ANXA10: variants seen among roughly 807,000 people sequenced by gnomAD.
ANXA10 encodes annexin A10.
In ANXA10, 49 loss-of-function variants were observed where a neutral mutation model predicts 53.5. That is an observed-to-expected ratio of 0.92 (90% CI 0.73 to 1.16). ANXA10 has a LOEUF of 1.16. ANXA10 is among the 50% of genes most tolerant of loss of function. ANXA10 has a pLI of 0.00. For synonymous variants in ANXA10, 131 were observed against 128.9 expected, an observed-to-expected ratio of 1.02 and a Z score of -0.11; for missense variants, 393 against 394.4, an observed-to-expected ratio of 1.00 and a Z score of 0.03.
intron 3 of ANXA10, among the ~76,000 whole-genome samples, chr4:168,150,663 G>C (rs911694486): frequency 1.3e-5 from 2 of 152,194 alleles, no homozygotes; most frequent in Non-Finnish European, 2.9e-5. Flanking sequence ...CACATGCGCA[G>C]TTAAGCTTCA....
Position 168,115,807 on chromosome 4 carries a change from G to A in ANXA10, c.19-12277G>A, listed in dbSNP as rs191477021. On this transcript the variant is annotated intron_variant, in intron 1 of 11. Transcript: ENST00000359299. ...ACTTACTCAGCCTCATAGTCTTCTCGTGTGTGAAATAAGATTATCAGTCTC... is the reference window on the plus strand; with the variant it reads ...ACTTACTCAGCCTCATAGTCTTCTCATGTGTGAAATAAGATTATCAGTCTC... 9.2e-5 allele frequency among the ~76,000 whole-genome samples: 14 copies of A among 152,256 alleles called. No individual in the cohort carries two copies. The East Asian group carries it at 2.1e-3, about 23-fold the overall frequency.
intron 1 of ANXA10, among the ~76,000 whole-genome samples, chr4:168,095,711 C>T (rs1730530495): frequency 6.6e-6 from 1 of 151,974 alleles, no homozygotes. Flanking sequence ...TTATCATCCC[C>T]TTTTTCCAGA....
At chr4:168,124,531 G>C (rs911070534) in intron 1 of ANXA10, among the ~76,000 whole-genome samples, 3 of 152,202 alleles carry the variant, frequency 2.0e-5, no homozygotes, top group African/African-American at 7.2e-5. Flanking sequence ...ACAGGAATAT[G>C]TTACAGCATG....
intron 1 of ANXA10, chr4:168,113,181 A>C (rs1342070721): frequency 6.6e-6 from 1 of 152,328 alleles, no homozygotes; most frequent in Non-Finnish European, 1.5e-5. Context: ...CTATAACACA[A>C]TATTTAAAAC....
chr4:168,110,037 C>T (rs1275426231), intron 1 of ANXA10, among the ~76,000 whole-genome samples: 3 of 152,022 alleles, frequency 2.0e-5, no homozygotes, highest in African/African-American at 7.2e-5. Flanking sequence ...GGTGAAACCC[C>T]GTCTCTACTA....
intron 10 of ANXA10, among the ~76,000 whole-genome samples, chr4:168,182,050 C>A (rs1732258859): frequency 6.6e-6 from 1 of 152,068 alleles, no homozygotes; most frequent in South Asian, 2.1e-4. Flanking sequence ...TCCAAAGACC[C>A]CCACATCAGA....
At chr4:168,093,167 GAA>G (rs1401583281) in intron 1 of ANXA10, among the ~76,000 whole-genome samples, 1 of 151,984 alleles carries the variant, frequency 6.6e-6, no homozygotes, top group African/African-American at 2.4e-5. Context: ...AATTCTAACT[GAA>G]GTTATCATAA....
intron 3 of ANXA10, among the ~76,000 whole-genome samples, chr4:168,159,787 C>A (rs540500094): frequency 6.6e-6 from 1 of 152,076 alleles, no homozygotes; most frequent in African/African-American, 2.4e-5. Context: ...ATGCTTTTAT[C>A]TACTAAAAAA....
intron 6 of ANXA10, 62 bp downstream of exon 6, chr4:168,165,388 CCAAA>C: frequency 1.0e-5 from 5 of 477,976 alleles, no homozygotes; most frequent in South Asian, 7.1e-5. Context: ...TATGTCATTG[CCAAA>C]AAAAAAAAAA....
At chr4:168,164,544 T>A (rs1396592190) in intron 5 of ANXA10, among the ~76,000 whole-genome samples, 1 of 152,104 alleles carries the variant, frequency 6.6e-6, no homozygotes, top group Non-Finnish European at 1.5e-5. Flanking sequence ...ATGTTTTCAT[T>A]AAGACAGGAA....
intron 1 of ANXA10, among the ~76,000 whole-genome samples, chr4:168,104,571 G>A (rs1730689385): frequency 6.6e-6 from 1 of 151,928 alleles, no homozygotes; most frequent in Non-Finnish European, 1.5e-5. Flanking sequence ...TTTCTCAATA[G>A]ATATGAGGCA....
At chr4:168,113,776 C>T (rs1730847609) in intron 1 of ANXA10, among the ~76,000 whole-genome samples, 1 of 152,186 alleles carries the variant, frequency 6.6e-6, no homozygotes, top group Non-Finnish European at 1.5e-5. Flanking sequence ...ATTGAAAACT[C>T]AGTGTGTTGA....
intron 1 of ANXA10, among the ~76,000 whole-genome samples, chr4:168,123,261 A>C (rs1272927645): frequency 6.9e-6 from 1 of 143,994 alleles, no homozygotes; most frequent in Non-Finnish European, 1.5e-5. Flanking sequence ...ATCAGAGCTG[A>C]GTAGCAGTTA....
chr4:168,139,541 G>C lies in ANXA10; in HGVS notation c.156G>C (p.Arg52Ser), dbSNP rs770332990. 1.2e-6 allele frequency: 2 copies of C among 1,612,864 alleles called. No individual in the cohort carries two copies. Among genetic ancestry groups the C allele is most frequent in the Admixed American group, 1.7e-5 (1 of 59,980 alleles). ...NILTQRCNAQRMMIAEAYQSM... is the reference protein window; with the variant it reads ...NILTQRCNAQSMMIAEAYQSM... ...TGACTCAGCGCTGCAATGCACAAAG[G>C]ATGATGATTGCAGAGGCATACCAGA... The change falls in exon 3 of 12, where the codon AGG becomes AGC. Residue 52 changes from arginine to serine, a missense_variant. Coordinates refer to ENST00000359299, the MANE Select transcript of ANXA10 (RefSeq NM_007193.5).
chr4:168,144,656 CAT>C (rs1280452445), intron 3 of ANXA10, among the ~76,000 whole-genome samples: 2 of 152,204 alleles, frequency 1.3e-5, no homozygotes, highest in Admixed American at 1.3e-4. Context: ...ATGTCCCACA[CAT>C]AGTGTACCAC....
At chr4:168,138,107 G>A (rs1448492764) in intron 2 of ANXA10, among the ~76,000 whole-genome samples, 2 of 151,558 alleles carry the variant, frequency 1.3e-5, no homozygotes, top group Non-Finnish European at 2.9e-5. Flanking sequence ...GACTACAGGC[G>A]CCCGCCACCA....
chr4:168,182,865 C>G (rs1303597696), intron 10 of ANXA10, among the ~76,000 whole-genome samples: 1 of 150,126 alleles, frequency 6.7e-6, no homozygotes, highest in Non-Finnish European at 1.5e-5. Flanking sequence ...AAAAAATTAG[C>G]CGGGCGTGGT....
At chr4:168,101,499 T>TG (rs948991695) in intron 1 of ANXA10, among the ~76,000 whole-genome samples, 3 of 137,514 alleles carry the variant, frequency 2.2e-5, no homozygotes, top group South Asian at 2.7e-4. Context: ...GTGTTTTTTT[T>TG]GGGGGGGAAG....
rs368348917 is a variant in ANXA10, at chr4:168,141,587, G to A, written c.195+2007G>A. On this transcript the variant is annotated intron_variant, in intron 3 of 11. Transcript: ENST00000359299. ...CTACTAAAAAGTATGGGGAATCCTC[G>A]GTCCTTGATCATCTTGGGAGTAAGA... 3.2e-4 allele frequency among the ~76,000 whole-genome samples: 49 copies of A among 152,212 alleles called. No homozygotes were observed. In the East Asian group the frequency reaches 6.4e-3, roughly 20 times the overall value.
Sources: gnomAD v4.1 joint callset for allele counts (sites outside exome capture counted in the v4.1 genomes callset) on GRCh38, gnomAD v4.1.1 for gene constraint, MANE v1.5 for transcripts, NCBI Gene and HGNC (gene_info 2026-07-23, HGNC 2026-07-21) for gene names.